CLOCK: variants seen among roughly 807,000 people sequenced by gnomAD.
The protein encoded by CLOCK is circadian locomoter output cycles protein kaput.
In CLOCK, 43 loss-of-function variants were observed where a neutral mutation model predicts 118.4. The observed-to-expected ratio is 0.36, with a 90% CI of 0.28 to 0.47. CLOCK has a LOEUF of 0.47. Among genes scored for constraint, CLOCK ranks in the 20% least tolerant of loss-of-function variants. The pLI is 1.00. For missense variants in CLOCK, 846 were observed against 999.9 expected, an observed-to-expected ratio of 0.85 and a Z score of 2.08; for synonymous variants, 326 against 339.2, an observed-to-expected ratio of 0.96 and a Z score of 0.43.
chr4:55,491,232 GCT>G (rs1727653803), intron 2 of CLOCK, among the ~76,000 whole-genome samples: 1 of 64,706 alleles, frequency 1.5e-5, no homozygotes. Flanking sequence ...CTGCAGGTGT[GCT>G]AAAAAAAAAA....
rs1281242890 is a variant in CLOCK at position 55,433,050 on chromosome 4, T to C, written c.*2365A>G. 1 of 152,584 alleles carries C rather than the reference T, an allele frequency of 6.6e-6. No individual in the cohort carries two copies. 9.5% of individuals were successfully genotyped at this position (152,584 alleles called of 1,614,324 possible). On this transcript the variant is annotated 3_prime_UTR_variant, in exon 23 of 23. Transcript: ENST00000513440. Reference sequence around the variant, plus strand: ...TTCTTCATATCTTTTGTTAGCTAAATCCGTATCACTAGGTATTGCCAATAA... The same window carrying C: ...TTCTTCATATCTTTTGTTAGCTAAACCCGTATCACTAGGTATTGCCAATAA...
At chr4:55,458,450 C>T (rs1233514340) in intron 11 of CLOCK, among the ~76,000 whole-genome samples, 1 of 152,048 alleles carries the variant, frequency 6.6e-6, no homozygotes, top group Non-Finnish European at 1.5e-5. Context: ...CCCTACTTGT[C>T]ATCTGTTTGT....
intron 1 of CLOCK, among the ~76,000 whole-genome samples, chr4:55,525,952 T>C (rs1730157055): frequency 6.6e-6 from 1 of 151,586 alleles, no homozygotes; most frequent in African/African-American, 2.4e-5. Flanking sequence ...ATAGGTTGAG[T>C]ATCCCTAATA....
At position 55,428,061 on chromosome 4, in the gene CLOCK, G is replaced by GA. The variant is rs1440270356; in HGVS notation, c.*7353dup. The GA allele has an allele frequency of 6.6e-6, 1 of 152,116 alleles. No individual in the cohort carries two copies. Among genetic ancestry groups the GA allele is most frequent in the African/African-American group, 2.4e-5 (1 of 41,432 alleles). 9.4% of individuals were successfully genotyped at this position (152,116 alleles called of 1,614,324 possible). ...GTATTTTTTATTTTTAAAATTGAAG[G>GA]AAACAAAGTCTGGATCTAATTATTT... On this transcript the variant is annotated 3_prime_UTR_variant, in exon 23 of 23. Transcript: ENST00000513440.
At chr4:55,546,134 G>A (rs940203472) in intron 1 of CLOCK, among the ~76,000 whole-genome samples, 4 of 152,194 alleles carry the variant, frequency 2.6e-5, no homozygotes, top group Non-Finnish European at 5.9e-5. Context: ...AGTGGTGACA[G>A]GAATAAAGTG....
At position 55,434,989 on chromosome 4, in the gene CLOCK, C is replaced by T. The variant is rs944694645; in HGVS notation, c.*426G>A. ...GCTACCAAGTCTACTGGACTGTCTT[C>T]ATGGCATCACTGTAAGCAAACCCCT... On this transcript the variant is annotated 3_prime_UTR_variant, in exon 23 of 23. Transcript: ENST00000513440. 3.4e-5 allele frequency: 8 copies of T among 238,554 alleles called. No homozygotes were observed. The highest frequency in any genetic ancestry group is 4.5e-5 in the African/African-American group (2 of 44,498). The allele number at this position is 238,554 out of a possible 1,614,324, so 14.8% of individuals were successfully genotyped here. A position where few individuals can be genotyped will look rare whatever the true frequency, so the allele number is the denominator to read the frequency against.
intron 1 of CLOCK, among the ~76,000 whole-genome samples, chr4:55,519,817 T>C (rs1174531216): frequency 6.6e-6 from 1 of 151,932 alleles, no homozygotes; most frequent in East Asian, 1.9e-4. Flanking sequence ...TAAACATCAT[T>C]GAACATTTAT....
At chr4:55,484,300 G>A (rs1176653340) in intron 3 of CLOCK, among the ~76,000 whole-genome samples, 1 of 151,964 alleles carries the variant, frequency 6.6e-6, no homozygotes, top group African/African-American at 2.4e-5. Flanking sequence ...AAGCAATCCT[G>A]CCACTTCAGC....
At chr4:55,479,438 A>G (rs541652360) in intron 5 of CLOCK, among the ~76,000 whole-genome samples, 41 of 152,166 alleles carry the variant, frequency 2.7e-4, no homozygotes, top group Non-Finnish European at 5.1e-4. Context: ...TTTCTGTTTA[A>G]GCAAAGCATA....
Position 55,459,268 on chromosome 4 carries a change from TAA to T in CLOCK, c.560-9_560-8del, listed in dbSNP as rs1725142510. The T allele has an allele frequency of 1.3e-6, 2 of 1,511,140 alleles. No individual in the cohort carries two copies. The highest frequency in any genetic ancestry group is 1.8e-6 in the Non-Finnish European group (2 of 1,087,072). The allele number at this position is 1,511,140 out of a possible 1,614,324, so 93.6% of individuals were successfully genotyped here. Reference sequence around the variant, plus strand: ...AATTCTAACTGATTTTTTGCTGAAATAAAAGAGATTTTAAAAATCACATATTT... The same window carrying T: ...AATTCTAACTGATTTTTTGCTGAAATAAGAGATTTTAAAAATCACATATTT... On this transcript the variant is annotated splice_polypyrimidine_tract_variant and splice_region_variant and intron_variant, in intron 9 of 22. Coordinates refer to ENST00000513440, the MANE Select transcript of CLOCK (RefSeq NM_004898.4).
At chr4:55,475,074 G>A (rs1303045847) in intron 7 of CLOCK, among the ~76,000 whole-genome samples, 3 of 152,160 alleles carry the variant, frequency 2.0e-5, no homozygotes, top group Non-Finnish European at 4.4e-5. Context: ...AAACCTTCTG[G>A]AAAGAATTCA....
chr4:55,460,376 C>T (rs372972775), intron 9 of CLOCK, among the ~76,000 whole-genome samples: 5 of 152,190 alleles, frequency 3.3e-5, no homozygotes, highest in South Asian at 2.1e-4. Flanking sequence ...TCAGGACATT[C>T]GAACTTGATT....
intron 1 of CLOCK, among the ~76,000 whole-genome samples, chr4:55,545,052 C>CTTTCTTT (rs1731517951): frequency 6.9e-6 from 1 of 144,634 alleles, no homozygotes; most frequent in Non-Finnish European, 1.5e-5. Context: ...TTCAGGCTAA[C>CTTTCTTT]TTTTTTTTTT....
At chr4:55,518,471 T>C (rs1269341989) in intron 1 of CLOCK, among the ~76,000 whole-genome samples, 3 of 152,228 alleles carry the variant, frequency 2.0e-5, no homozygotes, top group East Asian at 3.9e-4. Context: ...AGACATTCAT[T>C]GTGCTCAGAC....
chr4:55,529,174 TAA>T (rs763773876), intron 1 of CLOCK, among the ~76,000 whole-genome samples: 1 of 152,130 alleles, frequency 6.6e-6, no homozygotes, highest in Non-Finnish European at 1.5e-5. Context: ...TTTTAGTTTT[TAA>T]AAGAGACAGT....
intron 2 of CLOCK, among the ~76,000 whole-genome samples, chr4:55,508,472 ATCTC>A (rs999118447): frequency 4.0e-4 from 61 of 152,278 alleles, no homozygotes; most frequent in African/African-American, 1.4e-3. Flanking sequence ...ATGGACTCCT[ATCTC>A]TCTCTAATTT....
chr4:55,486,075 T>A (rs992519440), intron 3 of CLOCK, among the ~76,000 whole-genome samples: 5 of 152,182 alleles, frequency 3.3e-5, no homozygotes, highest in African/African-American at 1.2e-4. Flanking sequence ...ATTTCCCCAA[T>A]TTCTCAATAT....
chr4:55,450,018 A>T, intron 16 of CLOCK, 73 bp downstream of exon 16: 1 of 1,538,584 alleles, frequency 6.5e-7, no homozygotes, highest in Non-Finnish European at 9.0e-7. Flanking sequence ...TTTGATGAGA[A>T]ATGCTGATAT....
intron 18 of CLOCK, among the ~76,000 whole-genome samples, 154 bp downstream of exon 18, chr4:55,448,625 T>C (rs1331976725): frequency 4.0e-5 from 6 of 151,748 alleles, no homozygotes; most frequent in African/African-American, 1.2e-4. Flanking sequence ...TGTGTGTGTG[T>C]GTGTGTGTGT....
Sources: gnomAD v4.1 joint callset for allele counts (sites outside exome capture counted in the v4.1 genomes callset) on GRCh38, gnomAD v4.1.1 for gene constraint, MANE v1.5 for transcripts, NCBI Gene and HGNC (gene_info 2026-07-23, HGNC 2026-07-21) for gene names.